CADM2: variants seen among roughly 807,000 people sequenced by gnomAD.
CADM2 encodes cell adhesion molecule 2.
CADM2 carries 12 observed loss-of-function variants against 49.8 expected under a neutral mutation model. The ratio of observed to expected loss-of-function variants is 0.24; its 90% CI spans 0.15 to 0.39. The LOEUF is 0.39. Among genes scored for constraint, CADM2 ranks in the 10% least tolerant of loss-of-function variants. The pLI is 1.00. For synonymous variants in CADM2, 214 were observed against 175.4 expected, an observed-to-expected ratio of 1.22 and a Z score of -1.74; for missense variants, 378 against 492.3, an observed-to-expected ratio of 0.77 and a Z score of 2.20.
At chr3:85,564,816 T>C (rs530690811) in intron 1 of CADM2, among the ~76,000 whole-genome samples, 461 of 152,160 alleles carry the variant, frequency 3.0e-3, no homozygotes, top group Middle Eastern at 6.8e-3. Context: ...ATGAAAACTA[T>C]CTTAGGATGC....
chr3:85,302,419 T>A (rs1268014014), intron 1 of CADM2, among the ~76,000 whole-genome samples: 2 of 151,990 alleles, frequency 1.3e-5, no homozygotes, highest in Non-Finnish European at 2.9e-5. Context: ...GCTAGAGACT[T>A]TAGTGTGTTT....
intron 1 of CADM2, among the ~76,000 whole-genome samples, chr3:85,281,390 G>A (rs1273380779): frequency 6.6e-5 from 10 of 151,752 alleles, no homozygotes; most frequent in East Asian, 1.9e-4. Context: ...CATTTCTGTC[G>A]ATCAAACCTA....
At chr3:85,145,484 ATT>A (rs984992305) in intron 1 of CADM2, among the ~76,000 whole-genome samples, 2 of 145,626 alleles carry the variant, frequency 1.4e-5, no homozygotes, top group Non-Finnish European at 1.5e-5. Flanking sequence ...ATTATTTGCA[ATT>A]TTTTTTTTTT....
intron 1 of CADM2, among the ~76,000 whole-genome samples, chr3:84,962,686 G>A (rs1424032865): frequency 1.3e-5 from 2 of 152,136 alleles, no homozygotes; most frequent in Non-Finnish European, 2.9e-5. Flanking sequence ...ACTATAGTCA[G>A]TCATTAGCTT....
At chr3:85,087,720 A>T (rs552530341) in intron 1 of CADM2, among the ~76,000 whole-genome samples, 2 of 152,290 alleles carry the variant, frequency 1.3e-5, no homozygotes, top group Admixed American at 6.5e-5. Context: ...GTGACAATTT[A>T]TTGAATGCAC....
chr3:85,930,744 A>G (rs1577693299), intron 6 of CADM2, among the ~76,000 whole-genome samples: 1 of 152,032 alleles, frequency 6.6e-6, no homozygotes, highest in Admixed American at 6.6e-5. Context: ...TCACAAAACA[A>G]AATGATCTCC....
Position 85,647,048 on chromosome 3 carries a change from C to A in CADM2, c.62-79474C>A, listed in dbSNP as rs547830958. Among the ~76,000 whole-genome samples the A allele has an allele frequency of 8.6e-5, 13 of 151,836 alleles. No homozygotes were observed. In the South Asian group the frequency reaches 2.7e-3, roughly 31 times the overall value. On this transcript the variant is annotated intron_variant, in intron 1 of 9. Coordinates refer to ENST00000383699, the MANE Select transcript of CADM2 (RefSeq NM_001167675.2). ...CGTAACTTGGATTTGTAATCTTAGG[C>A]ATTTTAACAATTTAAGCTTTGGTCT...
intron 1 of CADM2, among the ~76,000 whole-genome samples, chr3:85,053,986 G>A (rs2035980843): frequency 6.6e-6 from 1 of 151,870 alleles, no homozygotes; most frequent in South Asian, 2.1e-4. Flanking sequence ...TCTGTTAAAA[G>A]AGCAAAGTAA....
intron 1 of CADM2, among the ~76,000 whole-genome samples, chr3:85,050,029 C>T (rs554703173): frequency 2.0e-5 from 3 of 152,008 alleles, no homozygotes; most frequent in South Asian, 2.1e-4. Context: ...GTCATTTCAT[C>T]GGCCTTCTTG....
intron 1 of CADM2, among the ~76,000 whole-genome samples, chr3:85,679,734 G>A (rs1166538688): frequency 6.6e-6 from 1 of 152,124 alleles, no homozygotes; most frequent in East Asian, 1.9e-4. Flanking sequence ...GCTGCCCGGG[G>A]CTGCACTGAG....
rs145023454 is a variant in CADM2 at position 85,394,927 on chromosome 3, T to G, written c.62-331595T>G. ...ATATTCTCCAGTGATATGTTTACAT[T>G]TATTGATCTTCACAAAACTTTTCCC... is the stretch of plus-strand genomic sequence containing the variant. On this transcript the variant is annotated intron_variant, in intron 1 of 9. Transcript: ENST00000383699. Among the ~76,000 whole-genome samples, 61 of 152,308 alleles carry G rather than the reference T, an allele frequency of 4.0e-4. 3 individuals carry two copies. In the East Asian group the frequency reaches 0.011, roughly 28 times the overall value.
chr3:85,114,535 T>C (rs1297272896), intron 1 of CADM2, among the ~76,000 whole-genome samples: 3 of 152,186 alleles, frequency 2.0e-5, no homozygotes, highest in African/African-American at 7.2e-5. Flanking sequence ...GCTCTAGAAG[T>C]CTGTAGTTCT....
chr3:85,890,599 A>G (rs933039684), intron 5 of CADM2, among the ~76,000 whole-genome samples: 1 of 151,944 alleles, frequency 6.6e-6, no homozygotes, highest in Non-Finnish European at 1.5e-5. Flanking sequence ...TTGGAGAGAG[A>G]CCATTTGGGG....
At chr3:85,200,394 T>G (rs2041464050) in intron 1 of CADM2, among the ~76,000 whole-genome samples, 1 of 152,088 alleles carries the variant, frequency 6.6e-6, no homozygotes, top group African/African-American at 2.4e-5. Context: ...ACTTGGTATG[T>G]GAAGCTAACA....
chr3:86,018,772 T>C (rs2107001183), intron 8 of CADM2, among the ~76,000 whole-genome samples: 1 of 152,194 alleles, frequency 6.6e-6, no homozygotes, highest in Non-Finnish European at 1.5e-5. Context: ...AGATTCTGGA[T>C]ATTAGCCCTT....
chr3:85,329,680 T>C (rs1450209919), intron 1 of CADM2, among the ~76,000 whole-genome samples: 1 of 152,176 alleles, frequency 6.6e-6, no homozygotes, highest in Non-Finnish European at 1.5e-5. Flanking sequence ...AGTAAGTATG[T>C]ATTTATATAT....
chr3:85,689,184 A>G (rs751299598), intron 1 of CADM2, among the ~76,000 whole-genome samples: 2 of 152,222 alleles, frequency 1.3e-5, no homozygotes, highest in Non-Finnish European at 2.9e-5. Flanking sequence ...GTATGAATAT[A>G]TTTATAAAAT....
intron 8 of CADM2, among the ~76,000 whole-genome samples, chr3:86,036,993 C>T (rs1240661628): frequency 6.6e-6 from 1 of 152,010 alleles, no homozygotes; most frequent in African/African-American, 2.4e-5. Flanking sequence ...ATTTCATATT[C>T]TATTTCTATT....
intron 1 of CADM2, among the ~76,000 whole-genome samples, chr3:85,614,826 C>T (rs545944907): frequency 1.3e-5 from 2 of 152,014 alleles, no homozygotes; most frequent in East Asian, 3.9e-4. Context: ...TGCTACTTCA[C>T]TTTTTGGTTG....
Sources: gnomAD v4.1 joint callset for allele counts (sites outside exome capture counted in the v4.1 genomes callset) on GRCh38, gnomAD v4.1.1 for gene constraint, MANE v1.5 for transcripts, NCBI Gene and HGNC (gene_info 2026-07-23, HGNC 2026-07-21) for gene names.